The following APBB1IP variants were observed in gnomAD, a reference collection of about 807,000 sequenced individuals.
APBB1IP encodes amyloid beta A4 precursor protein-binding family B member 1-interacting protein.
APBB1IP carries 27 observed loss-of-function variants against 64.9 expected under a neutral mutation model. That is an observed-to-expected ratio of 0.42 (90% CI 0.31 to 0.57). The LOEUF (loss-of-function observed/expected upper bound fraction) is 0.57, where lower values mean the gene tolerates loss of function less well. Among genes scored for constraint, APBB1IP ranks in the 20% least tolerant of loss-of-function variants. The pLI is 0.20. For synonymous variants in APBB1IP, 392 were observed against 331.0 expected (o/e 1.18, Z -2.00); for missense variants, 812 against 845.5 (o/e 0.96, Z 0.49).
At chr10:26,492,519 T>C in intron 3 of APBB1IP, 121 bp downstream of exon 3, 2 of 808,950 alleles carry the variant, frequency 2.5e-6, no homozygotes, top group Non-Finnish European at 4.0e-6. Flanking sequence ...CAGCCCCCGA[T>C]ATTTCAATGT....
In APBB1IP at chr10:26,552,938, A is replaced by G. The variant is rs867263885; in HGVS notation, c.1156-7167A>G. 3.3e-5 allele frequency among the ~76,000 whole-genome samples: 5 copies of G among 152,182 alleles called. No homozygotes were observed. In the Middle Eastern group the frequency reaches 0.01, roughly 311 times the overall value. On this transcript the variant is annotated intron_variant, in intron 11 of 14. Coordinates refer to ENST00000376236, the MANE Select transcript of APBB1IP (RefSeq NM_019043.4). ...CACTCCCCTCAGTGGTATCTGCCCC[A>G]CCTCTTCAAGCAGCACCTTTGACCT...
At chr10:26,553,122 A>G (rs1039808599) in intron 11 of APBB1IP, among the ~76,000 whole-genome samples, 2 of 152,018 alleles carry the variant, frequency 1.3e-5, no homozygotes, top group African/African-American at 4.8e-5. Flanking sequence ...CCCAGGTTCA[A>G]GCAATTCTCC....
chr10:26,524,921 G>GCTTTTCTTTC (rs2132456050), intron 8 of APBB1IP, among the ~76,000 whole-genome samples: 1 of 120,104 alleles, frequency 8.3e-6, no homozygotes, highest in Admixed American at 9.3e-5. Flanking sequence ...TATAATCTAT[G>GCTTTTCTTTC]CATTTCTTTC....
chr10:26,520,568 G>A (rs573980091), intron 8 of APBB1IP, among the ~76,000 whole-genome samples: 1 of 152,334 alleles, frequency 6.6e-6, no homozygotes, highest in Non-Finnish European at 1.5e-5. Context: ...TGAATGCAGA[G>A]GGAGGCTTTG....
chr10:26,524,889 A>T (rs998307113), intron 8 of APBB1IP, among the ~76,000 whole-genome samples: 2 of 150,642 alleles, frequency 1.3e-5, no homozygotes, highest in African/African-American at 4.9e-5. Context: ...GGCCCTTAGG[A>T]AGGAATTTGG....
At chr10:26,499,571 A>G (rs548999631) in intron 4 of APBB1IP, among the ~76,000 whole-genome samples, 6 of 152,216 alleles carry the variant, frequency 3.9e-5, no homozygotes, top group African/African-American at 1.2e-4. Context: ...CTCCTCATGG[A>G]TCACTTCCTT....
rs1837056771 is a variant in APBB1IP at position 26,567,101 on chromosome 10, C to A, written c.1614C>A (p.Ala538=). The A allele has an allele frequency of 1.4e-6, 2 of 1,454,486 alleles. No individual in the cohort carries two copies. Among genetic ancestry groups the A allele is most frequent in the African/African-American group, 1.5e-5 (1 of 66,492 alleles). The allele number at this position is 1,454,486 out of a possible 1,614,324, so 90.1% of individuals were successfully genotyped here. The part of the protein sequence containing the change: ...TSGSPATPLK[A]KGTGGGGLPA... ...GCAGTCCCGCCACGCCCCTCAAGGCCAAGGGCACAGGCGGCGGGGGCTTGC... is the reference window on the plus strand; with the variant it reads ...GCAGTCCCGCCACGCCCCTCAAGGCAAAGGGCACAGGCGGCGGGGGCTTGC... The change falls in exon 15 of 15, where the codon GCC becomes GCA. Residue 538 remains alanine, a synonymous_variant. Coordinates refer to ENST00000376236, the MANE Select transcript of APBB1IP (RefSeq NM_019043.4).
intron 2 of APBB1IP, among the ~76,000 whole-genome samples, chr10:26,448,193 T>C (rs1282883038): frequency 2.1e-5 from 3 of 145,416 alleles, no homozygotes; most frequent in Non-Finnish European, 4.5e-5. Flanking sequence ...ATTTAAGTAA[T>C]AGTAAGATTA....
chr10:26,538,380 T>C (rs1224862641), intron 10 of APBB1IP, among the ~76,000 whole-genome samples: 1 of 150,804 alleles, frequency 6.6e-6, no homozygotes, highest in Non-Finnish European at 1.5e-5. Flanking sequence ...CGGTGGCTCA[T>C]GCCTGTAATC....
chr10:26,454,063 G>A (rs562425870), intron 2 of APBB1IP, among the ~76,000 whole-genome samples: 1 of 152,184 alleles, frequency 6.6e-6, no homozygotes, highest in Non-Finnish European at 1.5e-5. Context: ...TTGCCACATG[G>A]ATGGAACTGG....
intron 8 of APBB1IP, among the ~76,000 whole-genome samples, chr10:26,526,588 G>A (rs938853708): frequency 4.6e-5 from 7 of 152,010 alleles, no homozygotes; most frequent in Non-Finnish European, 7.4e-5. Context: ...GCATGGCGGC[G>A]TGTGCCTGTA....
intron 13 of APBB1IP, among the ~76,000 whole-genome samples, chr10:26,561,558 A>G (rs1427699264): frequency 6.6e-6 from 1 of 152,100 alleles, no homozygotes; most frequent in East Asian, 1.9e-4. Context: ...GTTTCTTATC[A>G]AAGTACAAAC....
intron 8 of APBB1IP, among the ~76,000 whole-genome samples, chr10:26,519,291 CA>C (rs1318934981): frequency 6.6e-6 from 1 of 151,668 alleles, no homozygotes. Context: ...AACTCCATCT[CA>C]AAAAGAAAAA....
chr10:26,537,140 T>A (rs1265710823), intron 10 of APBB1IP, among the ~76,000 whole-genome samples: 2 of 150,210 alleles, frequency 1.3e-5, no homozygotes, highest in African/African-American at 4.8e-5. Flanking sequence ...CTCTAAGACC[T>A]TTCTTAGAGG....
At chr10:26,494,880 C>T (rs999229332) in intron 3 of APBB1IP, among the ~76,000 whole-genome samples, 2 of 151,882 alleles carry the variant, frequency 1.3e-5, no homozygotes, top group Non-Finnish European at 2.9e-5. Flanking sequence ...CTTTATATTC[C>T]CAATAAGAGT....
chr10:26,549,641 C>T (rs1339712333), intron 11 of APBB1IP, among the ~76,000 whole-genome samples: 1 of 151,766 alleles, frequency 6.6e-6, no homozygotes, highest in Non-Finnish European at 1.5e-5. Context: ...TTTTGTATTT[C>T]TGTAGTATCA....
chr10:26,481,825 ACGTGTG>A (rs1250153680), intron 2 of APBB1IP, among the ~76,000 whole-genome samples: 2 of 111,756 alleles, frequency 1.8e-5, no homozygotes, highest in African/African-American at 7.2e-5. Flanking sequence ...CCATCTCATT[ACGTGTG>A]TGTGTGTGTG....
chr10:26,503,421 G>T, intron 6 of APBB1IP, 147 bp downstream of exon 6: 1 of 680,998 alleles, frequency 1.5e-6, no homozygotes, highest in Non-Finnish European at 2.4e-6. Context: ...GGATCATGAG[G>T]TCAGGAGATC....
Position 26,567,137 on chromosome 10 carries a change from C to T in APBB1IP, c.1650C>T (p.Pro550=), listed in dbSNP as rs1292416976. ...GTGGGGLPAP[P]DDFLPPPPPP... is the part of the protein sequence containing the mutation. ...GCGGCGGGGGCTTGCCCGCCCCACCCGACGACTTCCTGCCGCCGCCGCCAC... is the reference window on the plus strand; with the variant it reads ...GCGGCGGGGGCTTGCCCGCCCCACCTGACGACTTCCTGCCGCCGCCGCCAC... Residue 550 remains proline, a synonymous_variant, in exon 15 of 15, where the codon CCC becomes CCT. Transcript: ENST00000376236. 15 of 1,421,184 alleles carry T rather than the reference C, an allele frequency of 1.1e-5. No homozygotes were observed. Among genetic ancestry groups the T allele is most frequent in the African/African-American group, 1.5e-5 (1 of 65,866 alleles). The allele number at this position is 1,421,184 out of a possible 1,614,324, so 88.0% of individuals were successfully genotyped here.
Sources: allele counts gnomAD v4.1 joint callset (sites outside exome capture counted in the v4.1 genomes callset), GRCh38; gene constraint gnomAD v4.1.1; transcripts MANE v1.5; gene names NCBI Gene and HGNC (gene_info 2026-07-23, HGNC 2026-07-21).